Variants in ADGRB3 observed in about 807,000 individuals in gnomAD.
ADGRB3 encodes brain-specific angiogenesis inhibitor 3.
ADGRB3 carries 37 observed loss-of-function variants against 193.4 expected under a neutral mutation model. That is an observed-to-expected ratio of 0.19 (90% confidence interval 0.15 to 0.25). The LOEUF (loss-of-function observed/expected upper bound fraction) is 0.25, where lower values mean the gene tolerates loss of function less well. Among genes scored for constraint, ADGRB3 ranks in the 10% least tolerant of loss-of-function variants. The pLI is 1.00. For missense variants in ADGRB3, 1,637 were observed against 1,852.9 expected, an observed-to-expected ratio of 0.88 and a Z score of 2.14; for synonymous variants, 690 against 644.2, an observed-to-expected ratio of 1.07 and a Z score of -1.08.
intron 3 of ADGRB3, among the ~76,000 whole-genome samples, chr6:68,920,693 C>T (rs535532498): frequency 5.5e-4 from 84 of 151,882 alleles, no homozygotes; most frequent in African/African-American, 1.9e-3. Flanking sequence ...AACGTTCAAG[C>T]GTGTCAGGGT....
chr6:68,988,480 G>A (rs903193595), intron 10 of ADGRB3, among the ~76,000 whole-genome samples: 8 of 152,034 alleles, frequency 5.3e-5, no homozygotes, highest in Admixed American at 3.3e-4. Context: ...TGTAGTAGTC[G>A]TAATAGAACA....
chr6:68,655,502 A>C (rs1437320769), intron 3 of ADGRB3, among the ~76,000 whole-genome samples: 1 of 151,748 alleles, frequency 6.6e-6, no homozygotes, highest in East Asian at 1.9e-4. Flanking sequence ...ACAACAAATA[A>C]AATTTTGATT....
intron 3 of ADGRB3, among the ~76,000 whole-genome samples, chr6:68,785,664 A>G (rs1017448434): frequency 6.6e-6 from 1 of 152,116 alleles, no homozygotes; most frequent in African/African-American, 2.4e-5. Context: ...TCCTTTGTGT[A>G]TATACACAGT....
chr6:68,891,410 T>A (rs183223675), intron 3 of ADGRB3, among the ~76,000 whole-genome samples: 119 of 152,280 alleles, frequency 7.8e-4, no homozygotes, highest in African/African-American at 2.4e-3. Flanking sequence ...TGATTTAAAC[T>A]TAAGACTAAT....
intron 3 of ADGRB3, among the ~76,000 whole-genome samples, chr6:68,782,734 C>T (rs1412580778): frequency 2.0e-5 from 3 of 152,102 alleles, no homozygotes; most frequent in African/African-American, 7.2e-5. Context: ...TGATGATGAG[C>T]ATTTTTTCAT....
At chr6:69,333,097 C>A in intron 24 of ADGRB3, 89 bp downstream of exon 24, 1 of 1,350,832 alleles carries the variant, frequency 7.4e-7, no homozygotes, top group Non-Finnish European at 1.0e-6. Context: ...TTTGACTCTG[C>A]CTTGAATTTT....
rs760582816 is a variant in ADGRB3 at position 69,360,968 on chromosome 6, C to T, written c.3695C>T (p.Pro1232Leu). 6.1e-5 allele frequency: 99 copies of T among 1,612,586 alleles called. No individual in the cohort carries two copies. The highest frequency in any genetic ancestry group is 8.2e-5 in the Non-Finnish European group (97 of 1,179,198). The change falls in exon 29 of 32, where the codon CCT becomes CTT. Residue 1232 changes from proline to leucine, a missense_variant. Physicochemically the swap from Pro to Leu is moderately conservative, Grantham distance 98 (BLOSUM62 -3). Coordinates refer to ENST00000370598, the MANE Select transcript of ADGRB3 (RefSeq NM_001704.3). ...NDDEEEKGTN[P>L]EGLSYSTLPG... is the part of the protein sequence containing the mutation. The stretch of plus-strand genomic sequence containing the variant: ...GATGAAGAAGAAAAGGGAACAAACC[C>T]TGAAGGGCTAAGCTATTCAACATTG...
At chr6:69,315,968 C>T (rs1291482283) in intron 20 of ADGRB3, among the ~76,000 whole-genome samples, 2 of 151,214 alleles carry the variant, frequency 1.3e-5, no homozygotes, top group African/African-American at 2.4e-5. Context: ...AAGTGCTTCG[C>T]TTCAGTATTC....
intron 3 of ADGRB3, among the ~76,000 whole-genome samples, chr6:68,806,513 T>A (rs1767404042): frequency 6.6e-6 from 1 of 151,996 alleles, no homozygotes; most frequent in Non-Finnish European, 1.5e-5. Flanking sequence ...AGCAATTGAA[T>A]TAAAAAGAAA....
At chr6:69,000,867 TA>T (rs1769555143) in intron 11 of ADGRB3, among the ~76,000 whole-genome samples, 1 of 152,244 alleles carries the variant, frequency 6.6e-6, no homozygotes, top group South Asian at 2.1e-4. Context: ...GATTAACTGT[TA>T]TCCATTTTTC....
At chr6:68,875,022 A>C (rs9363973) in intron 3 of ADGRB3, among the ~76,000 whole-genome samples, 39,882 of 137,678 alleles carry the variant, frequency 0.29, 7,079 homozygotes, top group East Asian at 0.59. Flanking sequence ...TGAAGCATTT[A>C]CTTTCTTTCT....
Position 68,993,839 on chromosome 6 carries a change from G to A in ADGRB3, c.1806G>A (p.Leu602=), listed in dbSNP as rs780941751. The A allele has an allele frequency of 1.2e-6, 2 of 1,614,002 alleles. No homozygotes were observed. Among genetic ancestry groups the A allele is most frequent in the Admixed American group, 3.3e-5 (2 of 60,020 alleles). The change falls in exon 11 of 32, where the codon CTG becomes CTA. Residue 602 remains leucine, a synonymous_variant. Coordinates refer to ENST00000370598, the MANE Select transcript of ADGRB3 (RefSeq NM_001704.3). The part of the protein sequence containing the change: ...GDGMSQVTKT[L]LDLTQRKNFY... The stretch of plus-strand genomic sequence containing the variant: ...GAATGTCCCAGGTGACCAAGACACT[G>A]TTGGATTTAACTCAGAGAAAAAATT...
intron 3 of ADGRB3, among the ~76,000 whole-genome samples, chr6:68,835,086 G>C (rs1447206041): frequency 1.3e-5 from 2 of 152,064 alleles, no homozygotes; most frequent in African/African-American, 4.8e-5. Flanking sequence ...TTTTTTGTCA[G>C]AAAATATTTT....
rs1193709056 is a variant in ADGRB3, at chr6:68,857,989, C to T, written c.758-72570C>T. On this transcript the variant is annotated intron_variant, in intron 3 of 31. Transcript: ENST00000370598. The stretch of plus-strand genomic sequence containing the variant: ...GAGTTACCCTGCAAAAGCTCTCTGC[C>T]TCCTGCCATCCATATAAGATGTGAC... Among the ~76,000 whole-genome samples, 4 of 152,170 alleles carry T rather than the reference C, an allele frequency of 2.6e-5. No homozygotes were observed. In the South Asian group the frequency reaches 6.2e-4, roughly 24 times the overall value.
intron 17 of ADGRB3, among the ~76,000 whole-genome samples, chr6:69,151,902 T>G (rs1343183378): frequency 6.6e-6 from 1 of 152,158 alleles, no homozygotes; most frequent in African/African-American, 2.4e-5. Context: ...TCTCATGCTG[T>G]TCTTGTGATA....
intron 16 of ADGRB3, among the ~76,000 whole-genome samples, chr6:69,072,280 A>G (rs1772098514): frequency 6.6e-6 from 1 of 152,176 alleles, no homozygotes; most frequent in Non-Finnish European, 1.5e-5. Flanking sequence ...GCATTTTGGA[A>G]CCTATAATAA....
intron 13 of ADGRB3, among the ~76,000 whole-genome samples, chr6:69,034,651 GAGAC>G (rs1425376625): frequency 6.8e-6 from 1 of 146,240 alleles, no homozygotes; most frequent in Non-Finnish European, 1.5e-5. Context: ...TATATGGTGA[GAGAC>G]AGAGAGAGAG....
intron 17 of ADGRB3, among the ~76,000 whole-genome samples, chr6:69,144,915 C>CTT (rs1215886177): frequency 1.3e-5 from 2 of 148,256 alleles, no homozygotes; most frequent in African/African-American, 5.0e-5. Context: ...TTCTTTCTTT[C>CTT]TTTTTCTTTT....
At chr6:68,939,979 G>C (rs1767591208) in intron 5 of ADGRB3, among the ~76,000 whole-genome samples, 1 of 152,092 alleles carries the variant, frequency 6.6e-6, no homozygotes, top group Non-Finnish European at 1.5e-5. Context: ...ATATTTATTT[G>C]TACTATAAAA....
Sources: allele counts gnomAD v4.1 joint callset (sites outside exome capture counted in the v4.1 genomes callset), GRCh38; gene constraint gnomAD v4.1.1; transcripts MANE v1.5; gene names NCBI Gene and HGNC (gene_info 2026-07-23, HGNC 2026-07-21).